The following PGLS variants were observed in gnomAD, a reference collection of about 807,000 sequenced individuals.
PGLS encodes the protein 6-phosphogluconolactonase, also known as epididymis secretory protein Li 304.
In PGLS, 21 loss-of-function variants were observed where a neutral mutation model predicts 23.2. That is an observed-to-expected ratio of 0.91 (90% CI 0.64 to 1.31). The LOEUF (loss-of-function observed/expected upper bound fraction) is 1.31. PGLS is among the 50% of genes most tolerant of loss of function. PGLS has a pLI of 0.00. For missense variants in PGLS, 410 were observed against 354.0 expected, an observed-to-expected ratio of 1.16 and a Z score of -1.27; for synonymous variants, 179 against 165.4, an observed-to-expected ratio of 1.08 and a Z score of -0.63.
intron 2 of PGLS, chr19:17,516,484 C>G: frequency 7.2e-7 from 1 of 1,382,672 alleles, no homozygotes; most frequent in Non-Finnish European, 9.4e-7. Flanking sequence ...GGTAACAGGC[C>G]TGGGTCCTCA....
At position 17,518,122 on chromosome 19, in the gene PGLS, AGCATTCAAAT is replaced by A. The variant is rs533346012; in HGVS notation, c.639+278_639+287del. ...AAGCTGCATTCAGAGGTAAATTAAT[AGCATTCAAAT>A]GCATTTAAAAAAAATTATTAAGTAG... is the stretch of plus-strand genomic sequence containing the variant. On this transcript the variant is annotated intron_variant, in intron 4 of 4. Transcript: ENST00000252603. 3.4e-3 allele frequency among the ~76,000 whole-genome samples: 518 copies of A among 152,312 alleles called. 6 individuals carry two copies. The highest frequency in any genetic ancestry group is 0.012 in the African/African-American group (493 of 41,578).
At chr19:17,512,117 G>A (rs935930597) in intron 1 of PGLS, 157 bp downstream of exon 1, 33 of 770,590 alleles carry the variant, frequency 4.3e-5, no homozygotes, top group African/African-American at 5.6e-5. Context: ...CAAGAGGGCC[G>A]TGCCCACTGC....
At position 17,517,734 on chromosome 19, in the gene PGLS, A is replaced by G; in HGVS notation, c.523A>G (p.Ile175Val). The change falls in exon 4 of 5, where the codon ATC becomes GTC. Residue 175 changes from isoleucine to valine, a missense_variant. By Grantham distance (29) the Ile-to-Val change is conservative. Coordinates refer to ENST00000252603, the MANE Select transcript of PGLS (RefSeq NM_012088.3). Reference protein sequence around the residue: ...LQEREKIVAPISDSPKPPPQR... With the variant: ...LQEREKIVAPVSDSPKPPPQR... The stretch of plus-strand genomic sequence containing the variant: ...GGAGCGGGAGAAGATTGTGGCTCCC[A>G]TCAGTGACTCCCCGAAGCCACCGCC... 6.2e-7 allele frequency: 1 copy of G among 1,614,096 alleles called. No homozygotes were observed. The highest frequency in any genetic ancestry group is 8.5e-7 in the Non-Finnish European group (1 of 1,180,026).
chr19:17,511,918 C>A lies in PGLS; in HGVS notation c.246C>A (p.Leu82=), dbSNP rs967170259. The stretch of plus-strand genomic sequence containing the variant: ...CGCTGGGCTTCTGCGACGAGCGCCT[C>A]GTGCCCTTCGATCACGCCGAGAGCA... ...RWTLGFCDER[L]VPFDHAESTY... Residue 82 remains leucine, a synonymous_variant, in exon 1 of 5, where the codon CTC becomes CTA. Transcript: ENST00000252603. 3 of 1,547,190 alleles carry A rather than the reference C, an allele frequency of 1.9e-6. No individual in the cohort carries two copies. The highest frequency in any genetic ancestry group is 2.5e-5 in the East Asian group (1 of 40,426).
chr19:17,515,310 G>C (rs1035797420), intron 1 of PGLS, among the ~76,000 whole-genome samples: 2 of 152,040 alleles, frequency 1.3e-5, no homozygotes, highest in Non-Finnish European at 2.9e-5. Flanking sequence ...CGTTTACTTC[G>C]TGGCTCACCT....
chr19:17,521,135 C>T lies in PGLS; in HGVS notation c.*54C>T. 4 of 1,462,142 alleles carry T rather than the reference C, an allele frequency of 2.7e-6. No homozygotes were observed. Among genetic ancestry groups the T allele is most frequent in the South Asian group, 2.7e-5 (2 of 74,852 alleles). The allele number at this position is 1,462,142 out of a possible 1,614,324, so 90.6% of individuals were successfully genotyped here. ...CAGGCACGCGGCCCATGGGGCTGGG[C>T]CCCTGCTGGCCGCCACTCTCCGGGC... On this transcript the variant is annotated 3_prime_UTR_variant, in exon 5 of 5. Coordinates refer to ENST00000252603, the MANE Select transcript of PGLS (RefSeq NM_012088.3).
chr19:17,519,742 A>G (rs1312149941), intron 4 of PGLS, among the ~76,000 whole-genome samples: 1 of 152,108 alleles, frequency 6.6e-6, no homozygotes, highest in Non-Finnish European at 1.5e-5. Flanking sequence ...GCTTATGTAT[A>G]TATTGTCTGC....
chr19:17,521,182 C>T lies in PGLS; in HGVS notation c.*101C>T, dbSNP rs978869281. The T allele has an allele frequency of 7.9e-6, 10 of 1,261,108 alleles. No homozygotes were observed. The African/African-American group carries it at 1.5e-4, about 19-fold the overall frequency. 78.1% of individuals were successfully genotyped at this position (1,261,108 alleles called of 1,614,324 possible). A position where few individuals can be genotyped will look rare whatever the true frequency, so the allele number is the denominator to read the frequency against. On this transcript the variant is annotated 3_prime_UTR_variant, in exon 5 of 5. Transcript: ENST00000252603. Reference sequence around the variant, plus strand: ...GGGCTCTCCTTTCAAAAAGCCACGTCGTGCTGCTGCTGGAAGCCAACAGCC... The same window carrying T: ...GGGCTCTCCTTTCAAAAAGCCACGTTGTGCTGCTGCTGGAAGCCAACAGCC...
intron 4 of PGLS, chr19:17,518,364 G>A (rs1477515904): frequency 6.6e-6 from 1 of 151,984 alleles, no homozygotes; most frequent in Non-Finnish European, 1.5e-5. Context: ...AAATCACGTG[G>A]TATTATGAAT....
chr19:17,521,183 G>A lies in PGLS; in HGVS notation c.*102G>A, dbSNP rs571066825. 9.5e-6 allele frequency: 12 copies of A among 1,263,014 alleles called. No individual in the cohort carries two copies. In the East Asian group the frequency reaches 3.0e-4, roughly 32 times the overall value. 78.2% of individuals were successfully genotyped at this position (1,263,014 alleles called of 1,614,324 possible). ...GGCTCTCCTTTCAAAAAGCCACGTCGTGCTGCTGCTGGAAGCCAACAGCCT... is the reference window on the plus strand; with the variant it reads ...GGCTCTCCTTTCAAAAAGCCACGTCATGCTGCTGCTGGAAGCCAACAGCCT... On this transcript the variant is annotated 3_prime_UTR_variant, in exon 5 of 5. Transcript: ENST00000252603.
chr19:17,515,475 G>T (rs1599689103), intron 1 of PGLS, among the ~76,000 whole-genome samples: 1 of 152,280 alleles, frequency 6.6e-6, no homozygotes, highest in Middle Eastern at 3.4e-3. Context: ...AGTTAAATCT[G>T]CTGCCAACGA....
At position 17,521,125 on chromosome 19, in the gene PGLS, T is replaced by C. The variant is rs139156431; in HGVS notation, c.*44T>C. The C allele has an allele frequency of 1.8e-4, 280 of 1,526,184 alleles. No homozygotes were observed. Among genetic ancestry groups the C allele is most frequent in the Non-Finnish European group, 2.3e-4 (256 of 1,131,036 alleles). The allele number at this position is 1,526,184 out of a possible 1,614,324, so 94.5% of individuals were successfully genotyped here. ...CAGCTGGGACCAGGCACGCGGCCCA[T>C]GGGGCTGGGCCCCTGCTGGCCGCCA... On this transcript the variant is annotated 3_prime_UTR_variant, in exon 5 of 5. Coordinates refer to ENST00000252603, the MANE Select transcript of PGLS (RefSeq NM_012088.3).
rs2075538252 is a variant in PGLS at position 17,517,381 on chromosome 19, C to T, written c.490C>T (p.Leu164Phe). ...CTGCTCACTCTTCCCAGACCACCCC[C>T]TCCTACAGGTGAGCACACCAATGCG... is the stretch of plus-strand genomic sequence containing the variant. ...HTCSLFPDHP[L>F]LQEREKIVAP... Residue 164 changes from leucine to phenylalanine, a missense_variant, in exon 3 of 5, where the codon CTC (leucine) becomes TTC (phenylalanine). By Grantham distance (22) the Leu-to-Phe change is conservative. Transcript: ENST00000252603. 2 of 1,611,960 alleles carry T rather than the reference C, an allele frequency of 1.2e-6. No homozygotes were observed. Among genetic ancestry groups the T allele is most frequent in the East Asian group, 2.2e-5 (1 of 44,862 alleles).
chr19:17,512,036 G>C, intron 1 of PGLS, 76 bp downstream of exon 1: 1 of 1,415,248 alleles, frequency 7.1e-7, no homozygotes, highest in African/African-American at 1.5e-5. Context: ...TACGGAGGCC[G>C]CCGGGGGCCA....
At chr19:17,517,515 A>G (rs1422869603) in intron 3 of PGLS, 126 bp downstream of exon 3, 2 of 942,504 alleles carry the variant, frequency 2.1e-6, no homozygotes, top group African/African-American at 1.6e-5. Context: ...GCCTCCACCA[A>G]CATACCTGCC....
At position 17,517,758 on chromosome 19, in the gene PGLS, C is replaced by T. The variant is rs547519107; in HGVS notation, c.547C>T (p.Pro183Ser). The T allele has an allele frequency of 9.3e-6, 15 of 1,614,128 alleles. No homozygotes were observed. In the East Asian group the frequency reaches 2.7e-4, roughly 29 times the overall value. ...CATCAGTGACTCCCCGAAGCCACCGCCACAGCGTGTGACCCTCACACTACC... is the reference window on the plus strand; with the variant it reads ...CATCAGTGACTCCCCGAAGCCACCGTCACAGCGTGTGACCCTCACACTACC... ...APISDSPKPPPQRVTLTLPVL... is the reference protein window; with the variant it reads ...APISDSPKPPSQRVTLTLPVL... Residue 183 changes from proline (P) to serine (S), a missense_variant, in exon 4 of 5, where the codon CCA becomes TCA. Physicochemically the swap from Pro to Ser is moderately conservative, Grantham distance 74. Coordinates refer to ENST00000252603, the MANE Select transcript of PGLS (RefSeq NM_012088.3).
chr19:17,518,577 C>T (rs1248563621), intron 4 of PGLS: 2 of 151,966 alleles, frequency 1.3e-5, no homozygotes, highest in African/African-American at 4.8e-5. Context: ...GTCGCCAAGG[C>T]TGGAGTGCAC....
At chr19:17,516,433 T>A in intron 2 of PGLS, 153 bp downstream of exon 2, 1 of 1,414,862 alleles carries the variant, frequency 7.1e-7, no homozygotes, top group Non-Finnish European at 9.2e-7. Flanking sequence ...GCCACAGCCC[T>A]GCCCTGGGGA....
In PGLS at chr19:17,511,849, C is replaced by T. The variant is rs1299996912; in HGVS notation, c.177C>T (p.Pro59=). Residue 59 remains proline (P), a synonymous_variant, in exon 1 of 5, where the codon CCC becomes CCT. Transcript: ENST00000252603. ...SLVSMLAREL[P]AAVAPAGPAS... Reference sequence around the variant, plus strand: ...TCTCGATGCTAGCCCGCGAGCTACCCGCCGCCGTCGCCCCTGCCGGGCCAG... The same window carrying T: ...TCTCGATGCTAGCCCGCGAGCTACCTGCCGCCGTCGCCCCTGCCGGGCCAG... The T allele has an allele frequency of 2.6e-6, 4 of 1,530,878 alleles. No individual in the cohort carries two copies. The highest frequency in any genetic ancestry group is 2.4e-5 in the South Asian group (2 of 83,208). 94.8% of individuals were successfully genotyped at this position (1,530,878 alleles called of 1,614,324 possible). A position where few individuals can be genotyped will look rare whatever the true frequency, so the allele number is the denominator to read the frequency against.
Sources: gnomAD v4.1 joint callset for allele counts (sites outside exome capture counted in the v4.1 genomes callset) on GRCh38, gnomAD v4.1.1 for gene constraint, MANE v1.5 for transcripts, NCBI Gene and HGNC (gene_info 2026-07-23, HGNC 2026-07-21) for gene names.